SGSM1: variants seen among roughly 807,000 people sequenced by gnomAD.
SGSM1 encodes RUN and TBC1 domain containing 2.
Under a neutral mutation model 133.8 loss-of-function variants are expected in SGSM1, and 73 were observed. The observed-to-expected ratio is 0.55, with a 90% CI of 0.45 to 0.66. The LOEUF (loss-of-function observed/expected upper bound fraction) is 0.66. Ranked by LOEUF, SGSM1 falls within the 30% of genes least tolerant of loss-of-function variation. The pLI is 0.00. For synonymous variants in SGSM1, 563 were observed against 573.0 expected, an observed-to-expected ratio of 0.98 and a Z score of 0.25; for missense variants, 1,213 against 1,448.1, an observed-to-expected ratio of 0.84 and a Z score of 2.64.
At chr22:24,888,351 T>C (rs1419101073) in intron 16 of SGSM1, among the ~76,000 whole-genome samples, 7 of 152,216 alleles carry the variant, frequency 4.6e-5, no homozygotes, top group Admixed American at 3.9e-4. Context: ...TTTGAGTTTT[T>C]TTTTCTTATA....
At chr22:24,890,065 T>A (rs1304356498) in intron 16 of SGSM1, among the ~76,000 whole-genome samples, 1 of 151,514 alleles carries the variant, frequency 6.6e-6, no homozygotes, top group Non-Finnish European at 1.5e-5. Flanking sequence ...CACGCCATTC[T>A]TCTGCCTCAG....
chr22:24,837,823 A>G (rs930850207), intron 2 of SGSM1, among the ~76,000 whole-genome samples: 13 of 152,244 alleles, frequency 8.5e-5, no homozygotes, highest in African/African-American at 3.1e-4. Context: ...TTCCTAGGCT[A>G]TGATTATAGA....
intron 18 of SGSM1, 65 bp downstream of exon 18, chr22:24,895,356 G>A: frequency 1.3e-6 from 2 of 1,519,072 alleles, no homozygotes; most frequent in Admixed American, 1.9e-5. Context: ...GGTCATGGGG[G>A]TTGGGTGTCC....
chr22:24,819,567 T>C (rs1355309810), intron 2 of SGSM1, among the ~76,000 whole-genome samples: 5 of 152,230 alleles, frequency 3.3e-5, no homozygotes, highest in Non-Finnish European at 7.3e-5. Context: ...TTGATGTTTT[T>C]ACTTACCCAG....
At chr22:24,884,283 T>G in intron 15 of SGSM1, 85 bp downstream of exon 15, 1 of 1,499,400 alleles carries the variant, frequency 6.7e-7, no homozygotes. Flanking sequence ...CCCACATGCT[T>G]GTGGGGACTT....
intron 2 of SGSM1, among the ~76,000 whole-genome samples, chr22:24,818,187 A>T (rs1010925134): frequency 2.8e-4 from 42 of 151,130 alleles, no homozygotes; most frequent in African/African-American, 9.5e-4. Context: ...AGTTGAGACC[A>T]TGCCACTGCA....
intron 15 of SGSM1, among the ~76,000 whole-genome samples, chr22:24,886,334 G>A (rs140272467): frequency 0.024 from 3,647 of 151,370 alleles, 56 homozygotes; most frequent in Non-Finnish European, 0.036. Context: ...CTGGGAGGCG[G>A]AGGTTGCAGT....
At position 24,884,157 on chromosome 22, in the gene SGSM1, C is replaced by G. The variant is rs1265653638; in HGVS notation, c.1600C>G (p.Leu534Val). Residue 534 changes from leucine (L) to valine (V), a missense_variant, in exon 15 of 25, where the codon CTG becomes GTG. Leu to Val is a conservative substitution (Grantham distance 32). Transcript: ENST00000400358. ...CTTGCCCTGCGATGCTGGACAGGGA[C>G]TGACAGCCAGGATCTGGGAGCAGTA... is the stretch of plus-strand genomic sequence containing the variant. ...PDLPCDAGQG[L>V]TARIWEQYLH... The G allele has an allele frequency of 1.2e-6, 2 of 1,613,986 alleles. No homozygotes were observed. The highest frequency in any genetic ancestry group is 2.2e-5 in the East Asian group (1 of 44,882).
rs1403088431 is a variant in SGSM1 at position 24,844,843 on chromosome 22, A to AGGTCACCTT, written c.64-42_64-34dup. The AGGTCACCTT allele has an allele frequency of 6.3e-6, 10 of 1,584,012 alleles. No homozygotes were observed. The African/African-American group carries it at 1.2e-4, about 19-fold the overall frequency. On this transcript the variant is annotated intron_variant, in intron 2 of 24. Coordinates refer to ENST00000400358, the MANE Select transcript of SGSM1 (RefSeq NM_001098497.3). ...CAGCCCTTTTGGGGCACCTATACCCAGGTCACCTTGGTCACCTTGGACCTC... is the reference window on the plus strand; with the variant it reads ...CAGCCCTTTTGGGGCACCTATACCCAGGTCACCTTGGTCACCTTGGTCACCTTGGACCTC...
chr22:24,894,320 G>C (rs2123696075), intron 17 of SGSM1, among the ~76,000 whole-genome samples: 1 of 152,316 alleles, frequency 6.6e-6, no homozygotes, highest in South Asian at 2.1e-4. Flanking sequence ...TTAAACCCGG[G>C]AGGCGGAAGT....
chr22:24,856,035 A>C (rs149643993), intron 8 of SGSM1: 3 of 426,412 alleles, frequency 7.0e-6, no homozygotes, highest in Admixed American at 2.9e-5. Flanking sequence ...CCATCCATCC[A>C]TCCATCCCTC....
chr22:24,822,737 G>A (rs1928555761), intron 2 of SGSM1, among the ~76,000 whole-genome samples: 2 of 152,142 alleles, frequency 1.3e-5, no homozygotes, highest in African/African-American at 4.8e-5. Flanking sequence ...TGGTTTCAGA[G>A]GGCTAAGGGA....
rs543851457 is a variant in SGSM1 at position 24,900,693 on chromosome 22, C to T, written c.2611-1140C>T. On this transcript the variant is annotated intron_variant, in intron 19 of 24. Transcript: ENST00000400358. ...ATTACAGGCATGAGCCACGGCGCCC[C>T]GCCTTATTTCTTTAAATACAGTAAA... Among the ~76,000 whole-genome samples, 16 of 152,240 alleles carry T rather than the reference C, an allele frequency of 1.1e-4. No homozygotes were observed. In the South Asian group the frequency reaches 1.2e-3, roughly 12 times the overall value.
intron 2 of SGSM1, among the ~76,000 whole-genome samples, chr22:24,839,595 A>G (rs949339869): frequency 6.6e-6 from 1 of 152,228 alleles, no homozygotes; most frequent in Non-Finnish European, 1.5e-5. Context: ...AGAATTCAGC[A>G]GTGAAGCCAT....
At chr22:24,920,293 C>T (rs921145832) in intron 24 of SGSM1, among the ~76,000 whole-genome samples, 2 of 152,208 alleles carry the variant, frequency 1.3e-5, no homozygotes, top group East Asian at 1.9e-4. Context: ...TCTCTCTAAA[C>T]ATCCACTTCC....
chr22:24,856,589 G>A (rs1056098278), intron 8 of SGSM1, among the ~76,000 whole-genome samples: 2 of 152,072 alleles, frequency 1.3e-5, no homozygotes, highest in South Asian at 2.1e-4. Context: ...TGGCCTCAGC[G>A]GGAGGAAGCA....
intron 6 of SGSM1, 40 bp downstream of exon 6, chr22:24,855,103 G>T (rs764414125): frequency 6.3e-7 from 1 of 1,599,042 alleles, no homozygotes; most frequent in African/African-American, 1.3e-5. Flanking sequence ...TAGACCCGTG[G>T]TCTTGAGTCT....
chr22:24,876,552 C>A (rs1296308773), intron 12 of SGSM1, 25 bp from the exon 13 acceptor site: 1 of 1,613,562 alleles, frequency 6.2e-7, no homozygotes, highest in South Asian at 1.1e-5. Context: ...GGTGATTCTT[C>A]TGCCCCTCCT....
intron 2 of SGSM1, among the ~76,000 whole-genome samples, chr22:24,821,523 C>A (rs911563085): frequency 6.6e-6 from 1 of 152,132 alleles, no homozygotes; most frequent in Non-Finnish European, 1.5e-5. Flanking sequence ...CTGAATGTCC[C>A]CCTGGGGAGG....
Sources: allele counts gnomAD v4.1 joint callset (sites outside exome capture counted in the v4.1 genomes callset), GRCh38; gene constraint gnomAD v4.1.1; transcripts MANE v1.5; gene names NCBI Gene and HGNC (gene_info 2026-07-23, HGNC 2026-07-21).